The following CYFIP1 variants were observed in gnomAD, a reference collection of about 807,000 sequenced individuals.
The protein encoded by CYFIP1 is cytoplasmic FMR1-interacting protein 1.
A neutral mutation model predicts 163.5 loss-of-function variants in CYFIP1; 58 were observed. That is an observed-to-expected ratio of 0.35 (90% confidence interval 0.29 to 0.44). The LOEUF (loss-of-function observed/expected upper bound fraction) is 0.44, where lower values mean the gene tolerates loss of function less well. Ranked by LOEUF, CYFIP1 falls within the 20% of genes least tolerant of loss-of-function variation. CYFIP1 has a pLI of 1.00. For synonymous variants in CYFIP1, 663 were observed against 660.7 expected, an observed-to-expected ratio of 1.00 and a Z score of -0.05; for missense variants, 1,338 against 1,653.8, an observed-to-expected ratio of 0.81 and a Z score of 3.31.
intron 9 of CYFIP1, 98 bp downstream of exon 9, chr15:22,937,006 T>A: frequency 1.2e-6 from 1 of 807,704 alleles, no homozygotes; most frequent in Non-Finnish European, 2.1e-6. Flanking sequence ...GCCCCAGCGT[T>A]TCCTGATATA....
chr15:22,926,382 A>C (rs990064474), intron 12 of CYFIP1, among the ~76,000 whole-genome samples: 1 of 152,192 alleles, frequency 6.6e-6, no homozygotes, highest in East Asian at 1.9e-4. Flanking sequence ...CATTTTAAAA[A>C]GGATTCTGGG....
chr15:22,963,257 G>C (rs1371304750), intron 1 of CYFIP1, among the ~76,000 whole-genome samples: 1 of 152,096 alleles, frequency 6.6e-6, no homozygotes, highest in Non-Finnish European at 1.5e-5. Context: ...TGTAATCTCA[G>C]CACTTTGGGA....
intron 6 of CYFIP1, 48 bp from the exon 7 acceptor site, chr15:22,939,555 TTTA>T: frequency 2.3e-6 from 1 of 434,702 alleles, no homozygotes; most frequent in Non-Finnish European, 3.7e-6. Context: ...ACGTGCCACA[TTTA>T]AAAAAAAAAA....
At chr15:22,952,718 A>G (rs945499343) in intron 1 of CYFIP1, among the ~76,000 whole-genome samples, 21 of 148,220 alleles carry the variant, frequency 1.4e-4, no homozygotes, top group African/African-American at 4.9e-4. Flanking sequence ...TGCATATTTT[A>G]CTACAATCAA....
Position 22,910,459 on chromosome 15 carries a change from C to T in CYFIP1, c.2268+61G>A, listed in dbSNP as rs1456753327. On this transcript the variant is annotated intron_variant, in intron 20 of 30. Coordinates refer to ENST00000617928, the MANE Select transcript of CYFIP1 (RefSeq NM_014608.6). The stretch of plus-strand genomic sequence containing the variant: ...ACAGGCGTGAGCCACCGCACCCAGC[C>T]GAAAACCCAGTCTTTTCAATGCACA... 50 of 1,442,734 alleles carry T rather than the reference C, an allele frequency of 3.5e-5. 1 individual carries two copies. The highest frequency in any genetic ancestry group is 1.4e-4 in the South Asian group (12 of 86,676). The allele number at this position is 1,442,734 out of a possible 1,614,324, so 89.4% of individuals were successfully genotyped here.
At chr15:22,962,414 T>C (rs1424337416) in intron 1 of CYFIP1, among the ~76,000 whole-genome samples, 1 of 146,498 alleles carries the variant, frequency 6.8e-6, no homozygotes, top group African/African-American at 2.7e-5. Flanking sequence ...TTTTTTTTTC[T>C]TGAGACGGAG....
chr15:22,903,650 G>T (rs1311623864), intron 22 of CYFIP1, 56 bp downstream of exon 22: 2 of 1,579,436 alleles, frequency 1.3e-6, no homozygotes, highest in Non-Finnish European at 1.7e-6. Context: ...AAGCCTGCGG[G>T]GACATGGGTC....
At chr15:22,880,825 A>T (rs2059739678) in intron 25 of CYFIP1, among the ~76,000 whole-genome samples, 2 of 151,954 alleles carry the variant, frequency 1.3e-5, no homozygotes, top group Admixed American at 1.3e-4. Context: ...CGCTGCAGGG[A>T]CTCAGCCCCA....
chr15:22,962,612 C>G (rs1276318626), intron 1 of CYFIP1, among the ~76,000 whole-genome samples: 1 of 151,824 alleles, frequency 6.6e-6, no homozygotes, highest in African/African-American at 2.4e-5. Context: ...CCATGTTGGT[C>G]AAGCTGGTCT....
chr15:22,885,787 C>T (rs1218031064), intron 23 of CYFIP1, among the ~76,000 whole-genome samples: 1 of 152,126 alleles, frequency 6.6e-6, no homozygotes, highest in Non-Finnish European at 1.5e-5. Flanking sequence ...GAGTTCCAAA[C>T]TTTCCCACAT....
Position 22,943,357 on chromosome 15 carries a change from G to C in CYFIP1, c.388-3C>G. ...CAGAAACGCTCAATGGCATTTCTCTGTGCAGAGGAAGCAGGAGGGCAGAAA... is the reference window on the plus strand; with the variant it reads ...CAGAAACGCTCAATGGCATTTCTCTCTGCAGAGGAAGCAGGAGGGCAGAAA... On this transcript the variant is annotated splice_region_variant and splice_polypyrimidine_tract_variant and intron_variant, in intron 5 of 30. Coordinates refer to ENST00000617928, the MANE Select transcript of CYFIP1 (RefSeq NM_014608.6). 6.2e-7 allele frequency: 1 copy of C among 1,613,476 alleles called. No homozygotes were observed. Among genetic ancestry groups the C allele is most frequent in the South Asian group, 1.1e-5 (1 of 91,028 alleles).
Position 22,872,924 on chromosome 15 carries a change from T to C in CYFIP1, c.3498A>G (p.Val1166=). 1 of 1,614,044 alleles carries C rather than the reference T, an allele frequency of 6.2e-7. No homozygotes were observed. The highest frequency in any genetic ancestry group is 8.5e-7 in the Non-Finnish European group (1 of 1,179,980). Residue 1166 remains valine, a synonymous_variant, in exon 30 of 31, where the codon GTA becomes GTG. Coordinates refer to ENST00000617928, the MANE Select transcript of CYFIP1 (RefSeq NM_014608.6). ...GLHWAGCMII[V]LLGQQRRFAV... The stretch of plus-strand genomic sequence containing the variant: ...CAAAACGCCGCTGCTGCCCAAGAAG[T>C]ACGATGATCATACAGCCAGCCCAGT...
intron 8 of CYFIP1, among the ~76,000 whole-genome samples, chr15:22,937,825 A>G (rs1233432022): frequency 6.6e-6 from 1 of 151,896 alleles, no homozygotes; most frequent in African/African-American, 2.4e-5. Context: ...GGCTGGTGTA[A>G]AACTCCTGAC....
intron 22 of CYFIP1, among the ~76,000 whole-genome samples, chr15:22,897,175 TA>T (rs771722780): frequency 2.0e-5 from 3 of 152,100 alleles, no homozygotes; most frequent in Non-Finnish European, 4.4e-5. Flanking sequence ...ATCACACTGT[TA>T]CACTCTAGCC....
chr15:22,933,133 C>T (rs1489366152), intron 10 of CYFIP1, among the ~76,000 whole-genome samples: 2 of 151,814 alleles, frequency 1.3e-5, no homozygotes, highest in African/African-American at 4.8e-5. Context: ...CGCGCCCCAC[C>T]CTCTTCTTTT....
intron 3 of CYFIP1, among the ~76,000 whole-genome samples, chr15:22,945,283 C>T (rs374603742): frequency 9.2e-5 from 14 of 152,202 alleles, no homozygotes; most frequent in African/African-American, 2.9e-4. Flanking sequence ...TCAGGGCAGA[C>T]GCCCTGCCCG....
At position 22,928,046 on chromosome 15, in the gene CYFIP1, G is replaced by T. The variant is rs761055056; in HGVS notation, c.1111-18C>A. On this transcript the variant is annotated intron_variant, in intron 11 of 30. Coordinates refer to ENST00000617928, the MANE Select transcript of CYFIP1 (RefSeq NM_014608.6). ...GTGACCACCTGCACAAGGCGGGCAC[G>T]GCCCCGTGAGAAACCAGCGCCCCCA... 5 of 1,493,744 alleles carry T rather than the reference G, an allele frequency of 3.3e-6. No individual in the cohort carries two copies. The highest frequency in any genetic ancestry group is 5.1e-5 in the East Asian group (2 of 39,024). The allele number at this position is 1,493,744 out of a possible 1,614,324, so 92.5% of individuals were successfully genotyped here. A position where few individuals can be genotyped will look rare whatever the true frequency, so the allele number is the denominator to read the frequency against.
chr15:22,978,801 C>G (rs2063369030), intron 1 of CYFIP1, among the ~76,000 whole-genome samples: 1 of 151,998 alleles, frequency 6.6e-6, no homozygotes, highest in Non-Finnish European at 1.5e-5. Flanking sequence ...GCGAAACAAG[C>G]CAGACTCCAA....
chr15:22,968,622 C>T (rs1336146331), intron 1 of CYFIP1, among the ~76,000 whole-genome samples: 1 of 152,142 alleles, frequency 6.6e-6, no homozygotes, highest in African/African-American at 2.4e-5. Flanking sequence ...CCTCTACCAC[C>T]TCCACACCCT....
Sources: gnomAD v4.1 joint callset for allele counts (sites outside exome capture counted in the v4.1 genomes callset) on GRCh38, gnomAD v4.1.1 for gene constraint, MANE v1.5 for transcripts, NCBI Gene and HGNC (gene_info 2026-07-23, HGNC 2026-07-21) for gene names.